The following LBR variants were observed in gnomAD, a reference collection of about 807,000 sequenced individuals.
LBR encodes delta(14)-sterol reductase LBR.
A neutral mutation model predicts 74.3 loss-of-function variants in LBR; 28 were observed. The observed-to-expected ratio is 0.38, with a 90% CI of 0.28 to 0.52. The LOEUF (loss-of-function observed/expected upper bound fraction) is 0.52. LBR is among the 20% of genes least tolerant of loss of function. The probability of loss-of-function intolerance (pLI) is 0.89; values close to 1 mark genes in which losing one functional copy is unlikely to be tolerated. For synonymous variants in LBR, 228 were observed against 269.3 expected (o/e 0.85, Z 1.50); for missense variants, 717 against 760.3 (o/e 0.94, Z 0.67).
At chr1:225,404,820 A>G in intron 11 of LBR, 114 bp from the exon 12 acceptor site, 1 of 823,920 alleles carries the variant, frequency 1.2e-6, no homozygotes, top group East Asian at 2.7e-5. Flanking sequence ...TTTCCAAAGC[A>G]GACTCCTAGG....
intron 3 of LBR, among the ~76,000 whole-genome samples, chr1:225,421,033 C>T (rs1193732439): frequency 6.6e-6 from 1 of 152,172 alleles, no homozygotes; most frequent in Non-Finnish European, 1.5e-5. Flanking sequence ...ACAGAGCTGA[C>T]TTTAACGATT....
chr1:225,426,059 AC>A (rs1242103393), intron 1 of LBR, among the ~76,000 whole-genome samples: 14 of 152,372 alleles, frequency 9.2e-5, no homozygotes, highest in Admixed American at 8.5e-4. Context: ...TATGGTGGAT[AC>A]CTGTTAGGTC....
Position 225,415,437 on chromosome 1 carries a change from G to T in LBR, c.838-105C>A, listed in dbSNP as rs1032886818. 4.1e-5 allele frequency: 27 copies of T among 654,514 alleles called. No individual in the cohort carries two copies. The African/African-American group carries it at 4.2e-4, about 10-fold the overall frequency. The allele number at this position is 654,514 out of a possible 1,614,324, so 40.5% of individuals were successfully genotyped here. On this transcript the variant is annotated intron_variant, in intron 6 of 13. Transcript: ENST00000272163. ...TCTAGTATCACTTAATTTTCAACAC[G>T]CCCAAGAAGGAAGATATCTTGTAAC...
chr1:225,407,277 A>G (rs1050963054), intron 10 of LBR, among the ~76,000 whole-genome samples: 5 of 152,180 alleles, frequency 3.3e-5, no homozygotes, highest in African/African-American at 1.2e-4. Flanking sequence ...TAAAAGACAG[A>G]GGCTGTGTGT....
chr1:225,422,303 G>A (rs376767386), intron 2 of LBR, 26 bp from the exon 3 acceptor site: 11 of 1,581,260 alleles, frequency 7.0e-6, no homozygotes, highest in African/African-American at 1.3e-5. Flanking sequence ...AAGGCAAAGA[G>A]CTTTACCACA....
In LBR at chr1:225,412,728, C is replaced by T. The variant is rs2096108841; in HGVS notation, c.893-83G>A. The stretch of plus-strand genomic sequence containing the variant: ...AAACTTACGCCACTATGAAACAATG[C>T]AATGTTCATTTTTAAAGTCTTAATT... On this transcript the variant is annotated intron_variant, in intron 7 of 13. Transcript: ENST00000272163. 4.1e-6 allele frequency: 5 copies of T among 1,209,910 alleles called. No homozygotes were observed. The Admixed American group carries it at 1.2e-4, about 30-fold the overall frequency. 74.9% of individuals were successfully genotyped at this position (1,209,910 alleles called of 1,614,324 possible).
At chr1:225,424,427 C>T (rs537384051) in intron 1 of LBR, among the ~76,000 whole-genome samples, 8 of 152,248 alleles carry the variant, frequency 5.3e-5, no homozygotes, top group African/African-American at 1.2e-4. Context: ...TGTAAATTTG[C>T]GTATCAATTT....
chr1:225,405,270 AAATC>A (rs1191020329), intron 11 of LBR, among the ~76,000 whole-genome samples: 1 of 152,244 alleles, frequency 6.6e-6, no homozygotes, highest in Non-Finnish European at 1.5e-5. Context: ...AGAATGTCAA[AAATC>A]AATCTATCAC....
At chr1:225,411,081 A>G (rs2096104241) in intron 9 of LBR, among the ~76,000 whole-genome samples, 1 of 152,192 alleles carries the variant, frequency 6.6e-6, no homozygotes, top group Admixed American at 6.5e-5. Flanking sequence ...CCACACTATC[A>G]CTTTCCTACA....
Position 225,427,946 on chromosome 1 carries a change from G to A in LBR, c.-15+8C>T, listed in dbSNP as rs1307524719. 6.6e-6 allele frequency: 1 copy of A among 152,200 alleles called. No individual in the cohort carries two copies. The highest frequency in any genetic ancestry group is 1.5e-5 in the Non-Finnish European group (1 of 68,084). The allele number at this position is 152,200 out of a possible 1,614,324, so 9.4% of individuals were successfully genotyped here. On this transcript the variant is annotated splice_region_variant and intron_variant, in intron 1 of 13. Coordinates refer to ENST00000272163, the MANE Select transcript of LBR (RefSeq NM_002296.4). ...AGCTGGGAGCAGGGCGGGGGTGGAA[G>A]CACTCACCTGCGCCAGGTTCCGGCG...
chr1:225,427,139 C>A (rs2096141085), intron 1 of LBR, among the ~76,000 whole-genome samples: 1 of 152,106 alleles, frequency 6.6e-6, no homozygotes, highest in Admixed American at 6.5e-5. Flanking sequence ...GTGTGAACAC[C>A]CGACCGGGCC....
At chr1:225,421,245 G>A (rs2096126921) in intron 3 of LBR, among the ~76,000 whole-genome samples, 1 of 152,248 alleles carries the variant, frequency 6.6e-6, no homozygotes, top group East Asian at 1.9e-4. Flanking sequence ...TGTAATCCCA[G>A]CACTTTGGGA....
chr1:225,406,915 TA>T, intron 10 of LBR, 83 bp from the exon 11 acceptor site: 1 of 1,342,270 alleles, frequency 7.5e-7, no homozygotes, highest in Non-Finnish European at 1.1e-6. Context: ...CAGGCAAATG[TA>T]AAAAGTGCTA....
chr1:225,423,440 T>TA (rs771416163), intron 2 of LBR, among the ~76,000 whole-genome samples: 2 of 148,426 alleles, frequency 1.3e-5, no homozygotes, highest in Non-Finnish European at 3.0e-5. Context: ...TGCTTAGCCC[T>TA]CCCCTACCAC....
At chr1:225,409,644 A>G (rs1200291551) in intron 10 of LBR, among the ~76,000 whole-genome samples, 1 of 152,238 alleles carries the variant, frequency 6.6e-6, no homozygotes, top group Non-Finnish European at 1.5e-5. Context: ...AGATAACAGT[A>G]AATACGATAA....
At chr1:225,428,747 G>A (rs2096146476), upstream of LBR, 1 of 152,222 alleles carries the variant, frequency 6.6e-6, no homozygotes, top group Admixed American at 6.5e-5. Flanking sequence ...ATGCTGTCGA[G>A]ATGCAGTAGA....
In LBR at chr1:225,418,043, C is replaced by G. The variant is rs2096120752; in HGVS notation, c.778G>C (p.Gly260Arg). 14 of 1,614,158 alleles carry G rather than the reference C, an allele frequency of 8.7e-6. No homozygotes were observed. The highest frequency in any genetic ancestry group is 1.2e-5 in the Non-Finnish European group (14 of 1,180,014). ...LYELWETRVF[G>R]VYLLWFLIQV... ...ATCAAAAACCACAGGAGGTAGACCC[C>G]AAATACTCTGGTTTCCCATAACTCA... Residue 260 changes from glycine to arginine, a missense_variant, in exon 6 of 14, where the codon GGG becomes CGG. By Grantham distance (125) the Gly-to-Arg change is moderately radical. Coordinates refer to ENST00000272163, the MANE Select transcript of LBR (RefSeq NM_002296.4).
chr1:225,411,544 C>A, intron 8 of LBR, 104 bp from the exon 9 acceptor site: 1 of 838,894 alleles, frequency 1.2e-6, no homozygotes, highest in Non-Finnish European at 2.1e-6. Flanking sequence ...CCACTGCCTG[C>A]AAGACCCTGA....
Position 225,419,350 on chromosome 1 carries a change from C to T in LBR, c.553G>A (p.Glu185Lys). ...GCCAGTTCTTTTGCAACGTATTTTT[C>T]TTCCTTAGAATCTATTTCTTTTAAT... is the stretch of plus-strand genomic sequence containing the variant. ...VKLKEIDSKE[E>K]KYVAKELAVR... is the part of the protein sequence containing the mutation. Residue 185 changes from glutamate to lysine, a missense_variant, in exon 5 of 14, where the codon GAA becomes AAA. Glu to Lys is a moderately conservative substitution (Grantham distance 56). Transcript: ENST00000272163. 6.2e-7 allele frequency: 1 copy of T among 1,614,228 alleles called. No individual in the cohort carries two copies. The highest frequency in any genetic ancestry group is 1.1e-5 in the South Asian group (1 of 91,088).
Sources: gnomAD v4.1 joint callset for allele counts (sites outside exome capture counted in the v4.1 genomes callset) on GRCh38, gnomAD v4.1.1 for gene constraint, MANE v1.5 for transcripts, NCBI Gene and HGNC (gene_info 2026-07-23, HGNC 2026-07-21) for gene names.